ARHGEF3: variants seen among roughly 807,000 people sequenced by gnomAD.
ARHGEF3 encodes the protein 59.8 kDA protein.
In ARHGEF3, 28 loss-of-function variants were observed where a neutral mutation model predicts 63.2. The ratio of observed to expected loss-of-function variants is 0.44; its 90% CI spans 0.33 to 0.61. The LOEUF is 0.61. Ranked by LOEUF, ARHGEF3 falls within the 20% of genes least tolerant of loss-of-function variation. The pLI is 0.03. For synonymous variants in ARHGEF3, 266 were observed against 254.2 expected, an observed-to-expected ratio of 1.05 and a Z score of -0.44; for missense variants, 533 against 659.3, an observed-to-expected ratio of 0.81 and a Z score of 2.10.
intron 1 of ARHGEF3, among the ~76,000 whole-genome samples, chr3:57,050,618 G>A (rs1704631873): frequency 1.3e-5 from 2 of 152,196 alleles, no homozygotes; most frequent in Admixed American, 1.3e-4. Context: ...TTAGAGGCTG[G>A]GCAGACAGGC....
At chr3:56,865,205 A>G (rs1017397751) in intron 4 of ARHGEF3, among the ~76,000 whole-genome samples, 1 of 152,214 alleles carries the variant, frequency 6.6e-6, no homozygotes, top group South Asian at 2.1e-4. Flanking sequence ...TCGCAGCCTC[A>G]ATTTCTGGTT....
chr3:56,987,899 G>A (rs114922257), intron 2 of ARHGEF3, among the ~76,000 whole-genome samples: 146 of 152,306 alleles, frequency 9.6e-4, no homozygotes, highest in African/African-American at 3.2e-3. Flanking sequence ...ATTAGCCAGA[G>A]ATGCACTGTG....
At chr3:56,739,058 G>A (rs537147061) in intron 7 of ARHGEF3, among the ~76,000 whole-genome samples, 25 of 152,188 alleles carry the variant, frequency 1.6e-4, no homozygotes, top group African/African-American at 5.5e-4. Flanking sequence ...TCACGCCACC[G>A]CACTTCAGCC....
intron 2 of ARHGEF3, among the ~76,000 whole-genome samples, chr3:57,000,340 A>ACC (rs879661865): frequency 2.0e-5 from 3 of 150,498 alleles, no homozygotes; most frequent in Non-Finnish European, 3.0e-5. Context: ...ACACACACAC[A>ACC]CACCTTAAGC....
At chr3:56,742,703 T>G (rs1359703384) in intron 7 of ARHGEF3, among the ~76,000 whole-genome samples, 1 of 152,198 alleles carries the variant, frequency 6.6e-6, no homozygotes, top group Non-Finnish European at 1.5e-5. Context: ...ACTGTGTAAG[T>G]AGGCATTTGG....
intron 3 of ARHGEF3, among the ~76,000 whole-genome samples, chr3:56,953,797 C>T (rs1699921921): frequency 6.6e-6 from 1 of 152,142 alleles, no homozygotes; most frequent in African/African-American, 2.4e-5. Flanking sequence ...CCTTCAAAAA[C>T]ATCCATCTGC....
At chr3:57,067,098 C>T (rs955866891) in intron 1 of ARHGEF3, among the ~76,000 whole-genome samples, 7 of 152,110 alleles carry the variant, frequency 4.6e-5, no homozygotes, top group African/African-American at 1.7e-4. Flanking sequence ...TTTCAAGTCA[C>T]CAGATAAATG....
intron 2 of ARHGEF3, among the ~76,000 whole-genome samples, chr3:56,985,466 G>A (rs1315325652): frequency 6.6e-6 from 1 of 152,220 alleles, no homozygotes; most frequent in Non-Finnish European, 1.5e-5. Flanking sequence ...TGGCACTGGG[G>A]CAGCCAGAAT....
chr3:57,040,132 G>C (rs189691907), intron 1 of ARHGEF3, among the ~76,000 whole-genome samples: 1 of 152,296 alleles, frequency 6.6e-6, no homozygotes, highest in Non-Finnish European at 1.5e-5. Flanking sequence ...ACAATGCTGA[G>C]CTAAAGATGC....
At chr3:56,986,431 T>A (rs1701540086) in intron 2 of ARHGEF3, among the ~76,000 whole-genome samples, 3 of 152,170 alleles carry the variant, frequency 2.0e-5, no homozygotes, top group Admixed American at 2.0e-4. Flanking sequence ...ACAGAAAGGT[T>A]TGGCAACAGT....
intron 7 of ARHGEF3, 86 bp downstream of exon 7, chr3:56,745,119 G>T: frequency 1.3e-6 from 2 of 1,492,810 alleles, no homozygotes. Flanking sequence ...AGTACCCAGG[G>T]ACTCTTCCAT....
chr3:56,789,109 A>G (rs886938551), intron 1 of ARHGEF3, among the ~76,000 whole-genome samples: 67 of 152,136 alleles, frequency 4.4e-4, no homozygotes, highest in Middle Eastern at 3.4e-3. Flanking sequence ...AGCCCTTTAT[A>G]TGCCTATTTC....
At position 56,859,261 on chromosome 3, in the gene ARHGEF3, C is replaced by T. The variant is rs532225733; in HGVS notation, c.192+23031G>A. 3.3e-5 allele frequency among the ~76,000 whole-genome samples: 5 copies of T among 152,114 alleles called. No individual in the cohort carries two copies. In the South Asian group the frequency reaches 1.0e-3, roughly 32 times the overall value. On this transcript the variant is annotated intron_variant, in intron 4 of 12. Transcript: ENST00000338458. ...CACGCCAATCTCCTGCCTCAGCCTC[C>T]CGAGTAGCTGGGACTACAGGCGCCC...
chr3:56,833,298 G>A (rs1272335130), intron 4 of ARHGEF3, among the ~76,000 whole-genome samples: 1 of 152,100 alleles, frequency 6.6e-6, no homozygotes, highest in Non-Finnish European at 1.5e-5. Flanking sequence ...CCATCCTAGT[G>A]GGTATGAGGG....
chr3:57,041,844 G>C (rs907111807), intron 1 of ARHGEF3, among the ~76,000 whole-genome samples: 2 of 152,180 alleles, frequency 1.3e-5, no homozygotes, highest in African/African-American at 4.8e-5. Context: ...AGGATGGTTG[G>C]ATGGCTCAGG....
Position 56,938,381 on chromosome 3 carries a change from C to T in ARHGEF3, c.129+20442G>A, listed in dbSNP as rs115508561. Among the ~76,000 whole-genome samples, 335 of 152,170 alleles carry T rather than the reference C, an allele frequency of 2.2e-3. 1 individual carries two copies. The highest frequency in any genetic ancestry group is 7.5e-3 in the African/African-American group (312 of 41,492). On this transcript the variant is annotated intron_variant, in intron 3 of 12. Coordinates refer to the ARHGEF3 transcript ENST00000338458. ...TTTTAGAGACTACTAATTTCAATTA[C>T]GGAGGAAGAATAAGTTTGTAAGACT...
chr3:57,059,626 C>T (rs938959238), intron 1 of ARHGEF3, among the ~76,000 whole-genome samples: 1 of 152,082 alleles, frequency 6.6e-6, no homozygotes, highest in Non-Finnish European at 1.5e-5. Context: ...CAAGTTGCTT[C>T]CCTCCATAAG....
intron 4 of ARHGEF3, among the ~76,000 whole-genome samples, chr3:56,811,571 G>A (rs2038064711): frequency 6.6e-6 from 1 of 152,214 alleles, no homozygotes; most frequent in African/African-American, 2.4e-5. Context: ...GCTTCACAAA[G>A]GGGCTAGTTG....
chr3:56,882,303 G>A, exon 4 of ARHGEF3: 1 of 1,551,814 alleles, frequency 6.4e-7, no homozygotes, highest in Non-Finnish European at 8.7e-7. Context: ...CTTATGTCGA[G>A]ACTGCAAAGG....
Sources: allele counts gnomAD v4.1 joint callset (sites outside exome capture counted in the v4.1 genomes callset), GRCh38; gene constraint gnomAD v4.1.1; transcripts MANE v1.5; gene names NCBI Gene and HGNC (gene_info 2026-07-23, HGNC 2026-07-21).